The following ME1 variants were observed in gnomAD, a reference collection of about 807,000 sequenced individuals.
ME1 encodes the protein malic enzyme 1, also known as NADP-dependent malic enzyme.
Under a neutral mutation model 66.4 loss-of-function variants are expected in ME1, and 74 were observed. The observed-to-expected ratio is 1.11, with a 90% CI of 0.92 to 1.35. The LOEUF is 1.35. Ranked by LOEUF, ME1 falls within the 40% of genes most tolerant of loss-of-function variation. The pLI, the probability that ME1 is intolerant of heterozygous loss-of-function variation, is 0.00. For missense variants in ME1, 750 were observed against 694.1 expected (o/e 1.08, Z -0.90); for synonymous variants, 251 against 235.6 (o/e 1.07, Z -0.60).
At chr6:83,218,241 A>T (rs1392666494) in intron 12 of ME1, among the ~76,000 whole-genome samples, 1 of 152,108 alleles carries the variant, frequency 6.6e-6, no homozygotes, top group Non-Finnish European at 1.5e-5. Flanking sequence ...CACAAACCAC[A>T]GCCACCCCCT....
chr6:83,289,165 G>A (rs1269820356), intron 6 of ME1, among the ~76,000 whole-genome samples: 1 of 152,152 alleles, frequency 6.6e-6, no homozygotes, highest in African/African-American at 2.4e-5. Flanking sequence ...TGATGGCCCT[G>A]GCCAGAACTT....
At chr6:83,364,727 A>G (rs1282404633) in intron 3 of ME1, among the ~76,000 whole-genome samples, 1 of 150,734 alleles carries the variant, frequency 6.6e-6, no homozygotes, top group Non-Finnish European at 1.5e-5. Flanking sequence ...CTATCTATCT[A>G]TCTATCTGTC....
intron 3 of ME1, among the ~76,000 whole-genome samples, chr6:83,387,219 G>A (rs1769524929): frequency 6.6e-6 from 1 of 151,986 alleles, no homozygotes; most frequent in Non-Finnish European, 1.5e-5. Flanking sequence ...AAAAAGCCAG[G>A]TAGATTTAAA....
intron 4 of ME1, among the ~76,000 whole-genome samples, chr6:83,346,778 G>A (rs1768694092): frequency 1.3e-5 from 2 of 151,928 alleles, no homozygotes; most frequent in Non-Finnish European, 2.9e-5. Flanking sequence ...TATGCATCCT[G>A]GCCCTATCCT....
At chr6:83,300,715 G>T (rs1767699536) in intron 6 of ME1, among the ~76,000 whole-genome samples, 1 of 137,648 alleles carries the variant, frequency 7.3e-6, no homozygotes, top group South Asian at 2.3e-4. Flanking sequence ...CCAAAGGATT[G>T]CAAATCATGC....
intron 5 of ME1, among the ~76,000 whole-genome samples, chr6:83,320,141 C>T (rs1374847642): frequency 6.6e-6 from 1 of 152,176 alleles, no homozygotes; most frequent in Non-Finnish European, 1.5e-5. Flanking sequence ...CTGTGCCAGG[C>T]ATCCTAGCCT....
At chr6:83,303,197 C>CA (rs1419727773) in intron 6 of ME1, among the ~76,000 whole-genome samples, 2 of 151,874 alleles carry the variant, frequency 1.3e-5, no homozygotes, top group African/African-American at 4.8e-5. Context: ...ACAGATGTTT[C>CA]AAAAAAAGAG....
At chr6:83,371,950 T>C (rs893602126) in intron 3 of ME1, among the ~76,000 whole-genome samples, 5 of 152,158 alleles carry the variant, frequency 3.3e-5, no homozygotes, top group Middle Eastern at 3.2e-3. Flanking sequence ...TAGGGGCCCC[T>C]CCTGTATGAT....
chr6:83,231,201 T>C (rs1372157564), intron 9 of ME1, among the ~76,000 whole-genome samples: 4 of 152,112 alleles, frequency 2.6e-5, no homozygotes, highest in Non-Finnish European at 5.9e-5. Context: ...ATGAATAATG[T>C]ATGAAAAGAA....
intron 6 of ME1, among the ~76,000 whole-genome samples, chr6:83,292,375 C>A (rs1388461697): frequency 6.6e-6 from 1 of 152,186 alleles, no homozygotes; most frequent in Non-Finnish European, 1.5e-5. Flanking sequence ...ACAGACAGGC[C>A]CCTCAGCTGC....
At position 83,416,408 on chromosome 6, in the gene ME1, A is replaced by T. The variant is rs114056396; in HGVS notation, c.79-8507T>A. 5.5e-3 allele frequency among the ~76,000 whole-genome samples: 843 copies of T among 152,308 alleles called. 7 individuals are homozygous for T. Among genetic ancestry groups the T allele is most frequent in the African/African-American group, 0.019 (797 of 41,568 alleles). On this transcript the variant is annotated intron_variant, in intron 1 of 13. Transcript: ENST00000369705. The stretch of plus-strand genomic sequence containing the variant: ...GAATCAGTTTTCAGAGACCAAGGTC[A>T]GTGCTTCTGGTGAAGAACCAATTTA...
intron 12 of ME1, among the ~76,000 whole-genome samples, chr6:83,220,853 T>TC (rs1562450137): frequency 6.6e-6 from 1 of 152,148 alleles, no homozygotes; most frequent in Non-Finnish European, 1.5e-5. Flanking sequence ...TGGAAGACTC[T>TC]CTGTCTTTAA....
At chr6:83,300,446 A>G (rs909467752) in intron 6 of ME1, among the ~76,000 whole-genome samples, 18 of 151,962 alleles carry the variant, frequency 1.2e-4, no homozygotes, top group Non-Finnish European at 2.5e-4. Context: ...AAAGTAAACA[A>G]AGAACCTACA....
At chr6:83,331,599 AAAG>A (rs934938705) in intron 5 of ME1, among the ~76,000 whole-genome samples, 1 of 151,734 alleles carries the variant, frequency 6.6e-6, no homozygotes, top group African/African-American at 2.4e-5. Flanking sequence ...AAAAAAAAAA[AAAG>A]AAGAGGAAAT....
intron 4 of ME1, 98 bp from the exon 5 acceptor site, chr6:83,346,432 A>C: frequency 1.5e-6 from 1 of 677,328 alleles, no homozygotes; most frequent in South Asian, 4.0e-5. Context: ...TGAAATAGTA[A>C]GCTGTTAAAA....
At chr6:83,352,282 CAAAT>C (rs1489129082) in intron 3 of ME1, 143 bp from the exon 4 acceptor site, 6 of 468,524 alleles carry the variant, frequency 1.3e-5, no homozygotes, top group Middle Eastern at 9.9e-4. Context: ...TTTCCTTAAA[CAAAT>C]AAGGGGCAGG....
intron 5 of ME1, among the ~76,000 whole-genome samples, chr6:83,326,354 C>T (rs1768290900): frequency 6.6e-6 from 1 of 152,116 alleles, no homozygotes; most frequent in Non-Finnish European, 1.5e-5. Context: ...GACTAAAACA[C>T]CAAAAGCAAT....
At chr6:83,259,905 C>T (rs1228653206) in intron 6 of ME1, among the ~76,000 whole-genome samples, 2 of 152,014 alleles carry the variant, frequency 1.3e-5, no homozygotes, top group African/African-American at 4.8e-5. Flanking sequence ...TATTCTCATC[C>T]CCTCAAGTTT....
chr6:83,352,211 T>G, intron 3 of ME1, 72 bp from the exon 4 acceptor site: 3 of 971,456 alleles, frequency 3.1e-6, no homozygotes, highest in Non-Finnish European at 4.3e-6. Context: ...ATGAATATCT[T>G]AAATTTTTTT....
Sources: gnomAD v4.1 joint callset for allele counts (sites outside exome capture counted in the v4.1 genomes callset) on GRCh38, gnomAD v4.1.1 for gene constraint, MANE v1.5 for transcripts, NCBI Gene and HGNC (gene_info 2026-07-23, HGNC 2026-07-21) for gene names.